Variants in ME1 observed in about 807,000 individuals in gnomAD.
ME1 encodes malic enzyme 1, also known as NADP-dependent malic enzyme.
Under a neutral mutation model 66.4 loss-of-function variants are expected in ME1, and 74 were observed. The ratio of observed to expected loss-of-function variants is 1.11; its 90% CI spans 0.92 to 1.35. The LOEUF (loss-of-function observed/expected upper bound fraction) is 1.35. Among genes scored for constraint, ME1 ranks in the 40% most tolerant of loss-of-function variants. The pLI is 0.00. For synonymous variants in ME1, 251 were observed against 235.6 expected (o/e 1.07, Z -0.60); for missense variants, 750 against 694.1 (o/e 1.08, Z -0.90).
intron 3 of ME1, among the ~76,000 whole-genome samples, chr6:83,352,347 C>T (rs1054149680): frequency 1.3e-5 from 2 of 151,268 alleles, no homozygotes; most frequent in African/African-American, 4.8e-5. Context: ...TTGACATCTA[C>T]AATAAAGGGA....
At chr6:83,357,622 C>G (rs910392474) in intron 3 of ME1, among the ~76,000 whole-genome samples, 2 of 151,860 alleles carry the variant, frequency 1.3e-5, no homozygotes, top group African/African-American at 4.8e-5. Flanking sequence ...ATATTTGAGT[C>G]GGTGGGCTGG....
chr6:83,352,144 A>T lies in ME1; in HGVS notation c.363-5T>A. ...TGGATAGTAATAAAGAGACCTCTGC[A>T]GAAAAAAAAAAAAAAAAAGGAGTAG... is the stretch of plus-strand genomic sequence containing the variant. On this transcript the variant is annotated splice_region_variant and splice_polypyrimidine_tract_variant and intron_variant, in intron 3 of 13. Transcript: ENST00000369705. 1 of 1,290,544 alleles carries T rather than the reference A, an allele frequency of 7.7e-7. No homozygotes were observed. Among genetic ancestry groups the T allele is most frequent in the Non-Finnish European group, 1.0e-6 (1 of 975,350 alleles). 79.9% of individuals were successfully genotyped at this position (1,290,544 alleles called of 1,614,324 possible). A position where few individuals can be genotyped will look rare whatever the true frequency, so the allele number is the denominator to read the frequency against.
chr6:83,225,205 C>CGAAAA (rs1386353254), intron 11 of ME1, among the ~76,000 whole-genome samples: 1 of 40,498 alleles, frequency 2.5e-5, no homozygotes. Flanking sequence ...GACTCCATCT[C>CGAAAA]AAAAAAAAAA....
chr6:83,392,285 T>C (rs557731670), intron 3 of ME1: 137 of 500,520 alleles, frequency 2.7e-4, no homozygotes, highest in Non-Finnish European at 5.1e-4. Context: ...CAATGACCCC[T>C]TCATTGACCT....
chr6:83,414,133 T>TA (rs929442643), intron 1 of ME1, among the ~76,000 whole-genome samples: 1 of 127,954 alleles, frequency 7.8e-6, no homozygotes, highest in African/African-American at 3.0e-5. Context: ...AAAAAAAAAC[T>TA]AAAAAAATTT....
At chr6:83,325,938 AC>A (rs746983287) in intron 5 of ME1, among the ~76,000 whole-genome samples, 4 of 139,226 alleles carry the variant, frequency 2.9e-5, no homozygotes, top group South Asian at 2.2e-4. Context: ...ACACAAAAAA[AC>A]GAAGCAAACA....
At chr6:83,227,085 T>A (rs927041637) in intron 11 of ME1, among the ~76,000 whole-genome samples, 1 of 102,796 alleles carries the variant, frequency 9.7e-6, no homozygotes, top group African/African-American at 5.9e-5. Context: ...ATCTTAGATA[T>A]CTATTTCCAA....
intron 5 of ME1, among the ~76,000 whole-genome samples, chr6:83,344,923 T>C (rs1471514441): frequency 2.0e-5 from 3 of 151,744 alleles, no homozygotes; most frequent in Non-Finnish European, 4.4e-5. Flanking sequence ...ATAAACTATT[T>C]TATTTCAATG....
At chr6:83,420,231 C>T (rs1321367470) in intron 1 of ME1, among the ~76,000 whole-genome samples, 1 of 152,126 alleles carries the variant, frequency 6.6e-6, no homozygotes, top group Admixed American at 6.5e-5. Flanking sequence ...CCATGCCCAG[C>T]TAATTTTTAT....
At chr6:83,326,461 G>A (rs1470695601) in intron 5 of ME1, among the ~76,000 whole-genome samples, 1 of 152,060 alleles carries the variant, frequency 6.6e-6, no homozygotes. Context: ...GCAACCTACA[G>A]AATGGGAGAA....
chr6:83,356,874 C>A (rs574482786), intron 3 of ME1, among the ~76,000 whole-genome samples: 17 of 152,080 alleles, frequency 1.1e-4, no homozygotes, highest in South Asian at 1.0e-3. Context: ...TTAATATTGA[C>A]ACATTATTAC....
chr6:83,354,272 G>C (rs906767668), intron 3 of ME1, among the ~76,000 whole-genome samples: 2 of 152,052 alleles, frequency 1.3e-5, no homozygotes, highest in African/African-American at 4.8e-5. Flanking sequence ...GATTACAGGC[G>C]CCTGCCACCA....
In ME1 at chr6:83,395,650, AT is replaced by A. The variant is rs534163887; in HGVS notation, c.362+2716del. The stretch of plus-strand genomic sequence containing the variant: ...GCCACCATGCCCAGCTAATTTTTGT[AT>A]TTTTAGTAGAGATGGGGTTTCACCA... On this transcript the variant is annotated intron_variant, in intron 3 of 13. Coordinates refer to ENST00000369705, the MANE Select transcript of ME1 (RefSeq NM_002395.6). Among the ~76,000 whole-genome samples, 1,112 of 150,870 alleles carry A rather than the reference AT, an allele frequency of 7.4e-3. 12 individuals carry two copies. Among genetic ancestry groups the A allele is most frequent in the African/African-American group, 0.025 (1,038 of 41,106 alleles).
chr6:83,308,906 T>C (rs1413046109), intron 6 of ME1, among the ~76,000 whole-genome samples: 2 of 151,822 alleles, frequency 1.3e-5, no homozygotes, highest in African/African-American at 4.8e-5. Context: ...TTTGAGGAAA[T>C]GTTAAAGGAG....
intron 6 of ME1, among the ~76,000 whole-genome samples, chr6:83,270,727 A>C (rs1767068995): frequency 6.6e-6 from 1 of 152,196 alleles, no homozygotes; most frequent in Admixed American, 6.5e-5. Context: ...GATGCATAAT[A>C]TGTGGAATTT....
chr6:83,214,507 T>C (rs1789955647), intron 13 of ME1, among the ~76,000 whole-genome samples: 1 of 152,216 alleles, frequency 6.6e-6, no homozygotes, highest in Non-Finnish European at 1.5e-5. Flanking sequence ...TCTGAAATTG[T>C]CTCTTTCCTA....
chr6:83,275,500 C>CTG (rs1419547534), intron 6 of ME1, among the ~76,000 whole-genome samples: 25 of 108,618 alleles, frequency 2.3e-4, no homozygotes, highest in Non-Finnish European at 3.4e-4. Flanking sequence ...GAGTCTTGCT[C>CTG]TGTCGCCCAG....
intron 11 of ME1, among the ~76,000 whole-genome samples, chr6:83,225,100 G>T (rs1790166111): frequency 6.6e-6 from 1 of 150,684 alleles, no homozygotes; most frequent in Non-Finnish European, 1.5e-5. Flanking sequence ...TACTCAGGAA[G>T]CTGAGGCAGG....
At chr6:83,288,812 G>C (rs977866963) in intron 6 of ME1, among the ~76,000 whole-genome samples, 3 of 152,096 alleles carry the variant, frequency 2.0e-5, no homozygotes, top group Non-Finnish European at 4.4e-5. Flanking sequence ...CCACTTGTTT[G>C]TGTCCTCTAT....
Sources: gnomAD v4.1 joint callset for allele counts (sites outside exome capture counted in the v4.1 genomes callset) on GRCh38, gnomAD v4.1.1 for gene constraint, MANE v1.5 for transcripts, NCBI Gene and HGNC (gene_info 2026-07-23, HGNC 2026-07-21) for gene names.